The following CCDC33 variants were observed in gnomAD, a reference collection of about 807,000 sequenced individuals.
CCDC33 encodes the protein coiled-coil domain-containing protein 33.
A neutral mutation model predicts 91.9 loss-of-function variants in CCDC33; 94 were observed. The observed-to-expected ratio is 1.02, with a 90% CI of 0.87 to 1.21. CCDC33 has a LOEUF of 1.21. Among genes scored for constraint, CCDC33 ranks in the 50% most tolerant of loss-of-function variants. CCDC33 has a pLI of 0.00. For synonymous variants in CCDC33, 396 were observed against 374.5 expected, an observed-to-expected ratio of 1.06 and a Z score of -0.66; for missense variants, 940 against 935.5, an observed-to-expected ratio of 1.00 and a Z score of -0.06.
intron 16 of CCDC33, 139 bp from the exon 17 acceptor site, chr15:74,333,742 C>G: frequency 1.6e-6 from 1 of 627,614 alleles, no homozygotes; most frequent in Non-Finnish European, 2.8e-6. Context: ...GGGTTCGGCC[C>G]AGGTCTGACG....
chr15:74,266,573 G>T (rs2076171135), intron 3 of CCDC33, 105 bp from the exon 4 acceptor site: 3 of 799,816 alleles, frequency 3.8e-6, no homozygotes. Flanking sequence ...TGTGGCCCCT[G>T]CTCCCTACTC....
chr15:74,285,504 C>A (rs575071207), intron 10 of CCDC33, among the ~76,000 whole-genome samples: 10 of 152,146 alleles, frequency 6.6e-5, no homozygotes, highest in African/African-American at 1.9e-4. Context: ...AAATGGCCAC[C>A]CCACATGATC....
upstream of CCDC33, among the ~76,000 whole-genome samples, chr15:74,216,183 G>A (rs573402858): frequency 3.9e-5 from 6 of 152,132 alleles, no homozygotes; most frequent in East Asian, 1.9e-4. Context: ...GTACACCACC[G>A]CCTCCAGACC....
intron 2 of CCDC33, among the ~76,000 whole-genome samples, chr15:74,246,502 T>C (rs2075533584): frequency 6.6e-6 from 1 of 152,076 alleles, no homozygotes; most frequent in Non-Finnish European, 1.5e-5. Context: ...ATTTAAAAAA[T>C]GAGAAAAAGA....
chr15:74,308,358 G>GACAC (rs3057604), intron 11 of CCDC33, among the ~76,000 whole-genome samples: 26 of 146,012 alleles, frequency 1.8e-4, no homozygotes, highest in African/African-American at 5.4e-4. Flanking sequence ...CAGACAGACA[G>GACAC]ACACACACAC....
At chr15:74,322,532 G>A (rs1424186401) in intron 11 of CCDC33, among the ~76,000 whole-genome samples, 2 of 152,210 alleles carry the variant, frequency 1.3e-5, no homozygotes, top group Non-Finnish European at 2.9e-5. Context: ...AGTGACTTCA[G>A]GCAAATCTCT....
Position 74,304,851 on chromosome 15 carries a change from T to A in CCDC33, c.1290+8903T>A, listed in dbSNP as rs190791049. Among the ~76,000 whole-genome samples, 1,476 of 152,142 alleles carry A rather than the reference T, an allele frequency of 9.7e-3. 17 individuals are homozygous for A. The highest frequency in any genetic ancestry group is 0.051 in the Middle Eastern group (15 of 294). ...CCTTGTCCCTCCCCACCTGGCTAGG[T>A]AAATGTGCCCCAGATCCCAAGCTCC... On this transcript the variant is annotated intron_variant, in intron 11 of 18. Coordinates refer to ENST00000398814, the MANE Select transcript of CCDC33 (RefSeq NM_025055.5).
intron 1 of CCDC33, among the ~76,000 whole-genome samples, chr15:74,204,938 A>AAAG (rs1175115959): frequency 2.9e-5 from 4 of 135,742 alleles, no homozygotes; most frequent in African/African-American, 1.0e-4. Flanking sequence ...CCATCTCAAA[A>AAAG]AAAAAGAAAG....
At chr15:74,226,325 T>C (rs1230935977) in intron 2 of CCDC33, among the ~76,000 whole-genome samples, 2 of 152,192 alleles carry the variant, frequency 1.3e-5, no homozygotes, top group East Asian at 3.9e-4. Context: ...AGTTATGACT[T>C]GGAGCAGGTC....
intron 1 of CCDC33, among the ~76,000 whole-genome samples, chr15:74,238,409 CAAA>C (rs557444250): frequency 6.0e-5 from 4 of 66,638 alleles, no homozygotes; most frequent in Admixed American, 1.7e-4. Context: ...AACTCCATCT[CAAA>C]AAAAAAAAAA....
Position 74,236,507 on chromosome 15 carries a change from T to G in CCDC33, c.-213T>G. On this transcript the variant is annotated 5_prime_UTR_variant, in exon 1 of 19. Transcript: ENST00000398814. The stretch of plus-strand genomic sequence containing the variant: ...GAGAGATCCAGGACCTGCTCCCACC[T>G]GGCCACCCTCCCCCTCCCCCCACAT... 11 of 267,638 alleles carry G rather than the reference T, an allele frequency of 4.1e-5. No individual in the cohort carries two copies. Among genetic ancestry groups the G allele is most frequent in the Non-Finnish European group, 6.0e-5 (8 of 134,192 alleles). 16.6% of individuals were successfully genotyped at this position (267,638 alleles called of 1,614,324 possible).
At chr15:74,245,334 A>G (rs957438043) in intron 2 of CCDC33, among the ~76,000 whole-genome samples, 1 of 152,180 alleles carries the variant, frequency 6.6e-6, no homozygotes, top group Non-Finnish European at 1.5e-5. Flanking sequence ...TGCCGAGAGC[A>G]ACAGGTGAAA....
intron 3 of CCDC33, among the ~76,000 whole-genome samples, chr15:74,262,975 G>T (rs1311013388): frequency 1.3e-5 from 2 of 152,164 alleles, no homozygotes; most frequent in Non-Finnish European, 2.9e-5. Context: ...CGAGGTTCAG[G>T]GAATTTAACT....
intron 2 of CCDC33, among the ~76,000 whole-genome samples, chr15:74,226,268 A>G (rs754938082): frequency 5.3e-4 from 80 of 152,180 alleles, no homozygotes; most frequent in Non-Finnish European, 6.3e-4. Context: ...TTCTGCTGGC[A>G]GTCAGAAGAC....
intron 11 of CCDC33, among the ~76,000 whole-genome samples, chr15:74,308,537 G>C (rs535533525): frequency 6.6e-6 from 1 of 152,330 alleles, no homozygotes; most frequent in Non-Finnish European, 1.5e-5. Flanking sequence ...GAGGGCCTGT[G>C]GGGGAAGGGG....
At chr15:74,232,996 C>T (rs564166150), upstream of CCDC33, among the ~76,000 whole-genome samples, 1 of 152,350 alleles carries the variant, frequency 6.6e-6, no homozygotes, top group African/African-American at 2.4e-5. Context: ...TCCCGGCTTC[C>T]AGGCCCACGC....
downstream of CCDC33, chr15:74,336,166 G>A: frequency 5.4e-6 from 8 of 1,484,382 alleles, no homozygotes; most frequent in Non-Finnish European, 7.1e-6. Context: ...CCTGGAGCAG[G>A]GCAGCCTGGG....
Position 74,330,770 on chromosome 15 carries a change from G to C in CCDC33, c.1545+19G>C. 3 of 1,606,152 alleles carry C rather than the reference G, an allele frequency of 1.9e-6. No homozygotes were observed. Among genetic ancestry groups the C allele is most frequent in the Non-Finnish European group, 2.6e-6 (3 of 1,173,774 alleles). On this transcript the variant is annotated intron_variant, in intron 13 of 18. Transcript: ENST00000398814. ...GATTCGAGTGAGCTGGGGCTTGTGG[G>C]GGCAGAGGGGAGGGAGCTATGGTGG... is the stretch of plus-strand genomic sequence containing the variant.
In CCDC33 at chr15:74,244,245, G is replaced by C. The variant is rs1392714575; in HGVS notation, c.185+97G>C. ...GGAATACTAGCACCCAAAGGCCCAG[G>C]ACTGGGACTGTCATACCCAGAGGGG... On this transcript the variant is annotated intron_variant, in intron 2 of 18. Coordinates refer to ENST00000398814, the MANE Select transcript of CCDC33 (RefSeq NM_025055.5). The surrounding 1 kb of genome is among the most constrained non-coding windows in gnomAD (Gnocchi z 4.2). The C allele has an allele frequency of 1.4e-6, 2 of 1,465,784 alleles. No homozygotes were observed. The highest frequency in any genetic ancestry group is 1.8e-6 in the Non-Finnish European group (2 of 1,088,148). 90.8% of individuals were successfully genotyped at this position (1,465,784 alleles called of 1,614,324 possible).
Sources: gnomAD v4.1 joint callset for allele counts (sites outside exome capture counted in the v4.1 genomes callset) on GRCh38, gnomAD v4.1.1 for gene constraint, Gnocchi (gnomAD v3.1) non-coding constraint, MANE v1.5 for transcripts, NCBI Gene and HGNC (gene_info 2026-07-23, HGNC 2026-07-21) for gene names.